Variants in PPP2R2C observed in about 807,000 individuals in gnomAD.
PPP2R2C encodes the protein protein phosphatase 2 regulatory subunit Bgamma.
Under a neutral mutation model 45.3 loss-of-function variants are expected in PPP2R2C, and 10 were observed. The ratio of observed to expected loss-of-function variants is 0.22; its 90% CI spans 0.14 to 0.37. The LOEUF (loss-of-function observed/expected upper bound fraction) is 0.37, where lower values mean the gene tolerates loss of function less well. Ranked by LOEUF, PPP2R2C falls within the 10% of genes least tolerant of loss-of-function variation. PPP2R2C has a pLI of 1.00. For synonymous variants in PPP2R2C, 257 were observed against 245.4 expected, an observed-to-expected ratio of 1.05 and a Z score of -0.44; for missense variants, 308 against 619.7, an observed-to-expected ratio of 0.50 and a Z score of 5.34.
At chr4:6,477,499 G>A (rs2108775856), upstream of PPP2R2C, among the ~76,000 whole-genome samples, 2 of 152,204 alleles carry the variant, frequency 1.3e-5, no homozygotes, top group East Asian at 3.9e-4. Context: ...GGCTGAGGCG[G>A]GTGGATCACA....
chr4:6,403,914 C>A (rs1717617693), intron 1 of PPP2R2C, among the ~76,000 whole-genome samples: 1 of 151,490 alleles, frequency 6.6e-6, no homozygotes, highest in Admixed American at 6.6e-5. Flanking sequence ...GACAGGGATA[C>A]ACTGTGCCAT....
intron 1 of PPP2R2C, 116 bp downstream of exon 1, chr4:6,472,044 G>A: frequency 7.9e-7 from 1 of 1,273,614 alleles, no homozygotes; most frequent in Non-Finnish European, 1.1e-6. Flanking sequence ...GTGGGGTGGG[G>A]TGGGGCGGGG....
At chr4:6,411,471 T>C (rs947624487) in intron 1 of PPP2R2C, among the ~76,000 whole-genome samples, 1 of 152,126 alleles carries the variant, frequency 6.6e-6, no homozygotes, top group Non-Finnish European at 1.5e-5. Context: ...GCTAATTCCA[T>C]TTCTCCCTAT....
At chr4:6,381,727 T>C (rs1262137261) in intron 1 of PPP2R2C, 1 of 1,580,368 alleles carries the variant, frequency 6.3e-7, no homozygotes, top group Non-Finnish European at 8.6e-7. Context: ...ATCCCAACCA[T>C]GTTTCTTCAG....
At chr4:6,520,173 G>C (rs1723968922) in intron 2 of PPP2R2C, among the ~76,000 whole-genome samples, 1 of 152,056 alleles carries the variant, frequency 6.6e-6, no homozygotes, top group South Asian at 2.1e-4. Flanking sequence ...GGAGTTGAGA[G>C]GGGTCCTAAG....
intron 2 of PPP2R2C, among the ~76,000 whole-genome samples, chr4:6,504,934 T>C (rs1723171775): frequency 6.6e-6 from 1 of 151,822 alleles, no homozygotes; most frequent in Non-Finnish European, 1.5e-5. Flanking sequence ...CATTTCCAGA[T>C]CCAAGAAGTT....
At chr4:6,412,209 C>T (rs1209861001) in intron 1 of PPP2R2C, among the ~76,000 whole-genome samples, 1 of 152,200 alleles carries the variant, frequency 6.6e-6, no homozygotes, top group Non-Finnish European at 1.5e-5. Context: ...CTCTTAATGA[C>T]TTCAGAAGGT....
chr4:6,524,130 C>T (rs1724118850), intron 2 of PPP2R2C, among the ~76,000 whole-genome samples: 1 of 151,828 alleles, frequency 6.6e-6, no homozygotes, highest in Admixed American at 6.6e-5. Context: ...CCATGTTGGT[C>T]TGGCTGGTCT....
intron 2 of PPP2R2C, among the ~76,000 whole-genome samples, chr4:6,488,222 T>C (rs868705828): frequency 9.2e-5 from 14 of 152,254 alleles, no homozygotes; most frequent in African/African-American, 3.4e-4. Flanking sequence ...CTTAACTGAT[T>C]GACTTTTCCT....
chr4:6,543,519 G>A lies in PPP2R2C; in HGVS notation c.-58-8142C>T, dbSNP rs1382234548. Reference sequence around the variant, plus strand: ...GGGCAGATCATGAGGTCAGGAGTTCGAGACCAGCCTGACCAACCTGGCCAA... The same window carrying A: ...GGGCAGATCATGAGGTCAGGAGTTCAAGACCAGCCTGACCAACCTGGCCAA... On this transcript the variant is annotated intron_variant, in intron 1 of 9. Transcript: ENST00000506140. Among the ~76,000 whole-genome samples, 8 of 152,246 alleles carry A rather than the reference G, an allele frequency of 5.3e-5. No individual in the cohort carries two copies. The East Asian group carries it at 5.8e-4, about 11-fold the overall frequency.
chr4:6,325,743 G>C (rs1163278316), intron 8 of PPP2R2C, among the ~76,000 whole-genome samples: 1 of 152,174 alleles, frequency 6.6e-6, no homozygotes, highest in East Asian at 1.9e-4. Flanking sequence ...ATTCAGGCAG[G>C]TTTCTTAAAT....
intron 1 of PPP2R2C, chr4:6,414,060 T>A (rs1195973646): frequency 2.7e-6 from 4 of 1,481,782 alleles, no homozygotes; most frequent in Admixed American, 4.2e-5. Flanking sequence ...GACAGTAACA[T>A]AAGTTTTGCC....
chr4:6,421,296 C>A (rs1385425740), intron 1 of PPP2R2C, among the ~76,000 whole-genome samples: 1 of 152,152 alleles, frequency 6.6e-6, no homozygotes, highest in African/African-American at 2.4e-5. Flanking sequence ...GGGTCAGCAG[C>A]TGGCCTGGCC....
intron 1 of PPP2R2C, among the ~76,000 whole-genome samples, chr4:6,419,863 CCT>C (rs1354682864): frequency 6.6e-6 from 1 of 152,148 alleles, no homozygotes; most frequent in Admixed American, 6.5e-5. Flanking sequence ...CCTTCCTCTC[CCT>C]GTGTCTCTGT....
At chr4:6,408,550 A>G (rs1461289668) in intron 1 of PPP2R2C, among the ~76,000 whole-genome samples, 1 of 152,196 alleles carries the variant, frequency 6.6e-6, no homozygotes, top group African/African-American at 2.4e-5. Flanking sequence ...GATGGTGTAA[A>G]CTGAGGCCAC....
intron 1 of PPP2R2C, among the ~76,000 whole-genome samples, chr4:6,557,984 A>G (rs1725465185): frequency 1.3e-5 from 2 of 151,220 alleles, no homozygotes; most frequent in East Asian, 3.9e-4. Context: ...CCCTGTGGAC[A>G]GGAAGGCAGG....
intron 1 of PPP2R2C, among the ~76,000 whole-genome samples, chr4:6,397,401 C>T (rs1035853899): frequency 1.3e-5 from 2 of 152,240 alleles, no homozygotes; most frequent in South Asian, 2.1e-4. Context: ...AAGAAACATC[C>T]GGAGGGATGC....
intron 2 of PPP2R2C, among the ~76,000 whole-genome samples, chr4:6,492,824 G>A (rs1722738819): frequency 6.6e-6 from 1 of 152,192 alleles, no homozygotes; most frequent in African/African-American, 2.4e-5. Flanking sequence ...TCCAAAAGGA[G>A]CAAGCCAGCC....
chr4:6,386,590 A>C (rs1318447447), intron 1 of PPP2R2C, among the ~76,000 whole-genome samples: 1 of 152,266 alleles, frequency 6.6e-6, no homozygotes, highest in African/African-American at 2.4e-5. Context: ...AACTGCTTGC[A>C]AATACAAAGC....
Sources: allele counts gnomAD v4.1 joint callset (sites outside exome capture counted in the v4.1 genomes callset), GRCh38; gene constraint gnomAD v4.1.1; transcripts MANE v1.5; gene names NCBI Gene and HGNC (gene_info 2026-07-23, HGNC 2026-07-21).